Variants in CCDC159 observed in about 807,000 individuals in gnomAD.
CCDC159 encodes the protein coiled-coil domain-containing protein 159.
In CCDC159, 40 loss-of-function variants were observed where a neutral mutation model predicts 50.9. That is an observed-to-expected ratio of 0.79 (90% CI 0.61 to 1.02). The LOEUF is 1.02. Ranked by LOEUF, CCDC159 falls within the 50% of genes least tolerant of loss-of-function variation. The probability of loss-of-function intolerance (pLI) is 0.00; values close to 1 mark genes in which losing one functional copy is unlikely to be tolerated. For missense variants in CCDC159, 356 were observed against 371.5 expected (o/e 0.96, Z 0.34); for synonymous variants, 146 against 138.9 (o/e 1.05, Z -0.36).
intron 2 of CCDC159, 36 bp from the exon 3 acceptor site, chr19:11,349,902 C>T (rs1294262163): frequency 1.2e-6 from 2 of 1,604,462 alleles, no homozygotes; most frequent in South Asian, 2.2e-5. Context: ...GACCCCACCC[C>T]TTACAGCCCT....
Position 11,353,819 on chromosome 19 carries a change from C to A in CCDC159, c.717C>A (p.Ser239=). The change falls in exon 9 of 11, where the codon TCC becomes TCA. Residue 239 remains serine, a synonymous_variant. Coordinates refer to ENST00000458408, the MANE Select transcript of CCDC159 (RefSeq NM_001080503.3). ...CTGCTGTGCACGTGCTGCAGAACTC[C>A]ATAGACAGCCTCACTTTGTGCTCGG... ...IWSAVHVLQN[S]IDSLTLCSGA... 1 of 1,598,812 alleles carries A rather than the reference C, an allele frequency of 6.3e-7. No homozygotes were observed. The highest frequency in any genetic ancestry group is 2.3e-5 in the East Asian group (1 of 44,206).
At chr19:11,350,320 C>T (rs1052179257) in intron 4 of CCDC159, 121 bp downstream of exon 4, 2 of 715,888 alleles carry the variant, frequency 2.8e-6, no homozygotes, top group South Asian at 3.3e-5. Flanking sequence ...TTGAGACCAG[C>T]CTGGACAACA....
In CCDC159 at chr19:11,354,697, G is replaced by A. The variant is rs201149711; in HGVS notation, c.889+1G>A. 6.2e-7 allele frequency: 1 copy of A among 1,606,994 alleles called. No homozygotes were observed. The highest frequency in any genetic ancestry group is 1.1e-5 in the South Asian group (1 of 90,278). On this transcript the variant is annotated splice_donor_variant, in intron 10 of 10. Transcript: ENST00000458408. LOFTEE classifies it high-confidence loss of function. ...AAGAGCGGCCGCTCCTTCCCACCCG[G>A]TGCAGATCCTCCCCAGTCCCCCCCT... is the stretch of plus-strand genomic sequence containing the variant.
Position 11,349,690 on chromosome 19 carries a change from G to A in CCDC159, c.55+3G>A, listed in dbSNP as rs1341723833. ...GACCAGCTCTTCCAAAGTCAAAGGT[G>A]AGAAATCTCCTTTCCAACAAAACTG... On this transcript the variant is annotated splice_donor_region_variant and intron_variant, in intron 2 of 10. Coordinates refer to ENST00000458408, the MANE Select transcript of CCDC159 (RefSeq NM_001080503.3). The A allele has an allele frequency of 6.2e-7, 1 of 1,601,812 alleles. No individual in the cohort carries two copies. Among genetic ancestry groups the A allele is most frequent in the East Asian group, 2.2e-5 (1 of 44,820 alleles).
intron 9 of CCDC159, 43 bp downstream of exon 9, chr19:11,353,917 C>A: frequency 6.8e-7 from 1 of 1,477,248 alleles, no homozygotes; most frequent in Non-Finnish European, 9.1e-7. Flanking sequence ...AGGTCATTGT[C>A]TAGCTTCACA....
intron 4 of CCDC159, among the ~76,000 whole-genome samples, 153 bp downstream of exon 4, chr19:11,350,352 T>TAAAAA (rs34313280): frequency 9.6e-6 from 1 of 104,478 alleles, no homozygotes; most frequent in Admixed American, 1.0e-4. Context: ...CATATCTACT[T>TAAAAA]AAAAAAAAAA....
intron 9 of CCDC159, 25 bp downstream of exon 9, chr19:11,353,899 G>T: frequency 6.5e-7 from 1 of 1,530,180 alleles, no homozygotes; most frequent in South Asian, 1.2e-5. Flanking sequence ...GAATTGCTCA[G>T]GGGTGGGAGG....
chr19:11,351,194 T>G, intron 5 of CCDC159, 191 bp downstream of exon 5: 1 of 593,994 alleles, frequency 1.7e-6, no homozygotes, highest in Admixed American at 3.4e-5. Context: ...CCCAGCACTT[T>G]GGGAAGCCGA....
chr19:11,349,786 C>G, intron 2 of CCDC159, 99 bp downstream of exon 2: 2 of 1,192,436 alleles, frequency 1.7e-6, no homozygotes, highest in Non-Finnish European at 2.5e-6. Flanking sequence ...GCCATGGTCA[C>G]CCATTCACTC....
At chr19:11,349,251 G>C (rs1487294264) in intron 1 of CCDC159, 1 of 1,112,432 alleles carries the variant, frequency 9.0e-7, no homozygotes, top group African/African-American at 1.6e-5. Flanking sequence ...ATCTACTGCT[G>C]TGGGGCTTAG....
At chr19:11,351,810 G>C in intron 5 of CCDC159, 96 bp from the exon 6 acceptor site, 1 of 1,062,932 alleles carries the variant, frequency 9.4e-7, no homozygotes, top group South Asian at 1.4e-5. Context: ...GTGGGGAGGG[G>C]ACAGAGCTTG....
At chr19:11,354,846 G>T (rs1247740112) in intron 10 of CCDC159, 27 bp from the exon 11 acceptor site, 16 of 1,612,894 alleles carry the variant, frequency 9.9e-6, no homozygotes, top group Non-Finnish European at 1.4e-5. Flanking sequence ...ACCTGGCCAG[G>T]CCCTGACCCA....
chr19:11,353,834 T>C lies in CCDC159; in HGVS notation c.732T>C (p.Thr244=). The change falls in exon 9 of 11, where the codon ACT becomes ACC. Residue 244 remains threonine, a synonymous_variant. Coordinates refer to ENST00000458408, the MANE Select transcript of CCDC159 (RefSeq NM_001080503.3). ...HVLQNSIDSL[T]LCSGACPKAS... The stretch of plus-strand genomic sequence containing the variant: ...TGCAGAACTCCATAGACAGCCTCAC[T>C]TTGTGCTCGGGGGCCTGTCCCAAGG... 6.3e-7 allele frequency: 1 copy of C among 1,596,410 alleles called. No individual in the cohort carries two copies. Among genetic ancestry groups the C allele is most frequent in the Non-Finnish European group, 8.5e-7 (1 of 1,171,680 alleles).
intron 7 of CCDC159, chr19:11,352,598 C>T (rs1967644965): frequency 6.6e-6 from 1 of 152,502 alleles, no homozygotes. Flanking sequence ...AAGAGCAAAA[C>T]TCCCATCTTA....
At chr19:11,352,022 C>G (rs1423208783) in intron 6 of CCDC159, 35 bp from the exon 7 acceptor site, 1 of 1,613,236 alleles carries the variant, frequency 6.2e-7, no homozygotes. Flanking sequence ...GGTCCTTCTT[C>G]AGCCTTTGTC....
chr19:11,350,072 C>T, intron 3 of CCDC159, 46 bp downstream of exon 3: 2 of 1,610,478 alleles, frequency 1.2e-6, no homozygotes, highest in Non-Finnish European at 1.7e-6. Context: ...TTTCTCCTTG[C>T]CCTCCCCTCC....
rs544617618 is a variant in CCDC159, at chr19:11,351,996, C to T, written c.490+23C>T. On this transcript the variant is annotated intron_variant, in intron 6 of 10. Coordinates refer to ENST00000458408, the MANE Select transcript of CCDC159 (RefSeq NM_001080503.3). Reference sequence around the variant, plus strand: ...TCCGTGAGTTCCTGGAGCCCACAGCCGGTGTGTGGGGAGGGGGTCCTTCTT... The same window carrying T: ...TCCGTGAGTTCCTGGAGCCCACAGCTGGTGTGTGGGGAGGGGGTCCTTCTT... 50 of 1,611,414 alleles carry T rather than the reference C, an allele frequency of 3.1e-5. No individual in the cohort carries two copies. The South Asian group carries it at 3.5e-4, about 11-fold the overall frequency.
intron 8 of CCDC159, 78 bp from the exon 9 acceptor site, chr19:11,353,714 C>T: frequency 1.3e-6 from 2 of 1,540,088 alleles, no homozygotes; most frequent in Non-Finnish European, 8.8e-7. Context: ...CCACGGCCCC[C>T]AACCTTAGCT....
chr19:11,349,697 C>G lies in CCDC159; in HGVS notation c.55+10C>G, dbSNP rs1487734566. On this transcript the variant is annotated intron_variant, in intron 2 of 10. Transcript: ENST00000458408. ...TCTTCCAAAGTCAAAGGTGAGAAATCTCCTTTCCAACAAAACTGTGTGGGG... is the reference window on the plus strand; with the variant it reads ...TCTTCCAAAGTCAAAGGTGAGAAATGTCCTTTCCAACAAAACTGTGTGGGG... 6.3e-7 allele frequency: 1 copy of G among 1,593,360 alleles called. No individual in the cohort carries two copies. The highest frequency in any genetic ancestry group is 1.1e-5 in the South Asian group (1 of 90,494).
Sources: allele counts gnomAD v4.1 joint callset (sites outside exome capture counted in the v4.1 genomes callset), GRCh38; gene constraint gnomAD v4.1.1; transcripts MANE v1.5; gene names NCBI Gene and HGNC (gene_info 2026-07-23, HGNC 2026-07-21).